The following ASPM variants were observed in gnomAD, a reference collection of about 807,000 sequenced individuals.
The protein encoded by ASPM is assembly factor for spindle microtubules, also known as abnormal spindle-like microcephaly-associated protein.
Under a neutral mutation model 366.4 loss-of-function variants are expected in ASPM, and 256 were observed. The observed-to-expected ratio is 0.70, with a 90% CI of 0.63 to 0.77. The LOEUF is 0.77. ASPM is among the 30% of genes least tolerant of loss of function. The pLI is 0.00. For missense variants in ASPM, 4,146 were observed against 4,090.4 expected (o/e 1.01, Z -0.37); for synonymous variants, 1,414 against 1,342.9 (o/e 1.05, Z -1.16).
Position 197,103,560 on chromosome 1 carries a change from T to A in ASPM, c.5691A>T (p.Glu1897Asp). The A allele has an allele frequency of 6.2e-7, 1 of 1,613,084 alleles. No homozygotes were observed. The highest frequency in any genetic ancestry group is 8.5e-7 in the Non-Finnish European group (1 of 1,179,478). ...GWKVRKQIRR[E>D]HQAALKIQSA... ...ACTGAATCTTCAAGGCAGCTTGATGTTCCCTTCTAATCTGTTTCCGAACCT... is the reference window on the plus strand; with the variant it reads ...ACTGAATCTTCAAGGCAGCTTGATGATCCCTTCTAATCTGTTTCCGAACCT... The change falls in exon 18 of 28, where the codon GAA becomes GAT. Residue 1897 changes from glutamate to aspartate, a missense_variant. Around this residue, in one of 3 missense-constraint regions of ASPM, gnomAD observed 3,624 missense variants for 3,591.7 expected, o/e 1.01. Transcript: ENST00000367409.
At chr1:197,139,557 T>C (rs989880971) in intron 4 of ASPM, among the ~76,000 whole-genome samples, 1 of 152,254 alleles carries the variant, frequency 6.6e-6, no homozygotes, top group African/African-American at 2.4e-5. Flanking sequence ...ATAATTACTA[T>C]AGTGACCCTA....
At chr1:197,136,192 A>T (rs980771232) in intron 4 of ASPM, among the ~76,000 whole-genome samples, 2 of 152,200 alleles carry the variant, frequency 1.3e-5, no homozygotes, top group African/African-American at 4.8e-5. Context: ...GATTTTTTTT[A>T]AAGCTGAAAA....
At chr1:197,088,007 C>T (rs1394561844) in intron 26 of ASPM, among the ~76,000 whole-genome samples, 17 of 152,136 alleles carry the variant, frequency 1.1e-4, no homozygotes, top group Admixed American at 1.1e-3. Flanking sequence ...ATACTTTTCT[C>T]TCTAGTAAAT....
At position 197,125,190 on chromosome 1, in the gene ASPM, G is replaced by T. The variant is rs199422151; in HGVS notation, c.2938C>A (p.Arg980=). 20 of 1,613,660 alleles carry T rather than the reference G, an allele frequency of 1.2e-5. No individual in the cohort carries two copies. The highest frequency in any genetic ancestry group is 1.1e-5 in the South Asian group (1 of 91,078). Reference sequence around the variant, plus strand: ...TTCTGTGTGAGAAGTTCCATGGTTCGCCTGGCAGTAATAAAATGTTCAGAT... The same window carrying T: ...TTCTGTGTGAGAAGTTCCATGGTTCTCCTGGCAGTAATAAAATGTTCAGAT... ...VDLQCGVRLV[R]TMELLTQNWD... Residue 980 remains arginine (R), a splice_region_variant and synonymous_variant, in exon 11 of 28, where the codon CGA becomes AGA. Coordinates refer to ENST00000367409, the MANE Select transcript of ASPM (RefSeq NM_018136.5).
Position 197,125,124 on chromosome 1 carries a change from G to A in ASPM, c.3004C>T (p.Arg1002Cys), listed in dbSNP as rs1281832701. 2.5e-6 allele frequency: 4 copies of A among 1,613,736 alleles called. No individual in the cohort carries two copies. The highest frequency in any genetic ancestry group is 2.2e-5 in the South Asian group (2 of 91,066). Residue 1002 changes from arginine (R) to cysteine (C), a missense_variant, in exon 11 of 28, where the codon CGT becomes TGT. By Grantham distance (180) the Arg-to-Cys change is radical. Coordinates refer to ENST00000367409, the MANE Select transcript of ASPM (RefSeq NM_018136.5). ...TCAACATTGTGCATCTTTTGAAGAC[G>A]ACTTATTGCCGGAATCCTGAGTTTC... Reference protein sequence around the residue: ...SKKLRIPAISRLQKMHNVDIV... With the variant: ...SKKLRIPAISCLQKMHNVDIV...
Position 197,143,535 on chromosome 1 carries a change from G to A in ASPM, c.717C>T (p.Leu239=). The change falls in exon 3 of 28, where the codon CTC becomes CTT. Residue 239 remains leucine, a synonymous_variant. Transcript: ENST00000367409. ...NECHGATCLP[L]SVRRSTTYSS... is the part of the protein sequence containing the mutation. ...AGTAGGTAGTAGATCGACGTACAGA[G>A]AGTGGCAAGCAAGTTGCACCATGGC... 6.2e-7 allele frequency: 1 copy of A among 1,613,900 alleles called. No individual in the cohort carries two copies. Among genetic ancestry groups the A allele is most frequent in the African/African-American group, 1.3e-5 (1 of 75,038 alleles).
At chr1:197,112,440 C>T (rs1657617507) in intron 17 of ASPM, among the ~76,000 whole-genome samples, 2 of 152,040 alleles carry the variant, frequency 1.3e-5, no homozygotes, top group Non-Finnish European at 2.9e-5. Flanking sequence ...ACAAAATAAT[C>T]TGTACAACAA....
At chr1:197,089,250 C>A (rs10801587) in intron 25 of ASPM, among the ~76,000 whole-genome samples, 1 of 151,870 alleles carries the variant, frequency 6.6e-6, no homozygotes, top group African/African-American at 2.4e-5. Flanking sequence ...TTGGGTAAAG[C>A]GCTTTAAGTT....
Position 197,112,145 on chromosome 1 carries a change from C to T in ASPM, c.4065+5644G>A, listed in dbSNP as rs150475360. Among the ~76,000 whole-genome samples, 1,364 of 152,156 alleles carry T rather than the reference C, an allele frequency of 9.0e-3. 15 individuals are homozygous for T. The highest frequency in any genetic ancestry group is 0.015 in the Non-Finnish European group (1,023 of 67,982). On this transcript the variant is annotated intron_variant, in intron 17 of 27. Coordinates refer to ENST00000367409, the MANE Select transcript of ASPM (RefSeq NM_018136.5). ...AATGACAGACTGGATGAAGAAAATG[C>T]GGTACATATATACCATGGAATACAA...
chr1:197,093,936 T>C (rs994816363), intron 20 of ASPM, 148 bp downstream of exon 20: 17 of 580,446 alleles, frequency 2.9e-5, no homozygotes, highest in Non-Finnish European at 4.6e-5. Context: ...CTGAAATAGA[T>C]GTGTGTGAAA....
In ASPM at chr1:197,100,706, T is replaced by C. The variant is rs1210620920; in HGVS notation, c.8545A>G (p.Met2849Val). The change falls in exon 18 of 28, where the codon ATG (methionine) becomes GTG (valine). Residue 2849 changes from methionine to valine, a missense_variant. Physicochemically the swap from Met to Val is conservative, Grantham distance 21. This residue lies in a region of ASPM where 3,624 missense variants were observed against 3,591.7 expected (regional missense o/e 1.01). Coordinates refer to ENST00000367409, the MANE Select transcript of ASPM (RefSeq NM_018136.5). ...ACAAATCTTCTCCGATACACAGCCA[T>C]CTGAAGGAAGAACTGAATCCGTAGG... ...AALRIQFFLQ[M>V]AVYRRRFVQQ... The C allele has an allele frequency of 6.2e-7, 1 of 1,612,314 alleles. No individual in the cohort carries two copies. Among genetic ancestry groups the C allele is most frequent in the Non-Finnish European group, 8.5e-7 (1 of 1,179,046 alleles).
At chr1:197,100,005 T>C (rs545865990) in intron 18 of ASPM, among the ~76,000 whole-genome samples, 4 of 151,834 alleles carry the variant, frequency 2.6e-5, no homozygotes, top group Non-Finnish European at 4.4e-5. Context: ...ATAAAGTATG[T>C]CTACTAGCCT....
Position 197,136,989 on chromosome 1 carries a change from T to TA in ASPM, c.2027-1748dup, listed in dbSNP as rs34447971. Among the ~76,000 whole-genome samples, 36 of 152,218 alleles carry TA rather than the reference T, an allele frequency of 2.4e-4. 1 individual carries two copies. Among genetic ancestry groups the TA allele is most frequent in the African/African-American group, 8.4e-4 (35 of 41,542 alleles). Reference sequence around the variant, plus strand: ...TGTTAGCATGAATCCTTCTGTGCCCTAAAAAAACCCTATGGATCATACTAT... The same window carrying TA: ...TGTTAGCATGAATCCTTCTGTGCCCTAAAAAAAACCCTATGGATCATACTAT... On this transcript the variant is annotated intron_variant, in intron 4 of 27. Transcript: ENST00000367409.
Position 197,104,866 on chromosome 1 carries a change from GC to G in ASPM, c.4384del (p.Ala1462LeufsTer54). On this transcript the variant is annotated frameshift_variant, in exon 18 of 28. Transcript: ENST00000367409. LOFTEE classifies it high-confidence loss of function. ...GATAATAGCAGAATTTTCTTCTTTA[GC>G]TTGTTTTCTTAAATGCCATTCTCTA... The part of the protein sequence containing the change: ...AFREWHLRKQ[A>X]KEENSAIIIQ... The G allele has an allele frequency of 6.2e-7, 1 of 1,602,508 alleles. No individual in the cohort carries two copies. The highest frequency in any genetic ancestry group is 8.5e-7 in the Non-Finnish European group (1 of 1,175,606).
In ASPM at chr1:197,102,540, G is replaced by T. The variant is rs755151801; in HGVS notation, c.6711C>A (p.Asn2237Lys). ...KERNIQFQRYNKLRHSVIYIQ... is the reference protein window; with the variant it reads ...KERNIQFQRYKKLRHSVIYIQ... Reference sequence around the variant, plus strand: ...TGTATATTACAGAATGCCTCAGTTTGTTATACCTTTGAAATTGTATGTTTC... The same window carrying T: ...TGTATATTACAGAATGCCTCAGTTTTTTATACCTTTGAAATTGTATGTTTC... Residue 2237 changes from asparagine to lysine, a missense_variant, in exon 18 of 28, where the codon AAC becomes AAA. This residue lies in a region of ASPM where 3,624 missense variants were observed against 3,591.7 expected (regional missense o/e 1.01). Transcript: ENST00000367409. 1.2e-6 allele frequency: 2 copies of T among 1,612,434 alleles called. No homozygotes were observed. The highest frequency in any genetic ancestry group is 8.5e-7 in the Non-Finnish European group (1 of 1,179,172).
In ASPM at chr1:197,104,217, T is replaced by C. The variant is rs1445915977; in HGVS notation, c.5034A>G (p.Leu1678=). The C allele has an allele frequency of 6.2e-7, 1 of 1,612,474 alleles. No individual in the cohort carries two copies. The highest frequency in any genetic ancestry group is 8.5e-7 in the Non-Finnish European group (1 of 1,179,262). The change falls in exon 18 of 28, where the codon CTA becomes CTG. Residue 1678 remains leucine (L), a synonymous_variant. Transcript: ENST00000367409. ...ACTGCAATTTTATTGTAGCATTTTTTAGGCTCAAAAATTCCTTTTTAGAAA... is the reference window on the plus strand; with the variant it reads ...ACTGCAATTTTATTGTAGCATTTTTCAGGCTCAAAAATTCCTTTTTAGAAA... The part of the protein sequence containing the change: ...AYVSKKEFLS[L]KNATIKLQST...
intron 20 of ASPM, 58 bp downstream of exon 20, chr1:197,094,026 C>T: frequency 9.0e-7 from 1 of 1,115,430 alleles, no homozygotes; most frequent in Non-Finnish European, 1.3e-6. Context: ...ACAAAACATT[C>T]TTTGTTTTCT....
rs558907138 is a variant in ASPM, at chr1:197,104,704, G to C, written c.4547C>G (p.Thr1516Ser). The change falls in exon 18 of 28, where the codon ACC (threonine) becomes AGC (serine). Residue 1516 changes from threonine to serine, a missense_variant. Physicochemically the swap from Thr to Ser is moderately conservative, Grantham distance 58. This residue lies in a region of ASPM where 3,624 missense variants were observed against 3,591.7 expected (regional missense o/e 1.01). Coordinates refer to ENST00000367409, the MANE Select transcript of ASPM (RefSeq NM_018136.5). The stretch of plus-strand genomic sequence containing the variant: ...ATATGCTTTGTAGTACTTCTGGATG[G>C]TTAGTATGGACTCTTTTCTTCTTTT... The part of the protein sequence containing the change: ...LYKRRKESIL[T>S]IQKYYKAYLK... 6 of 1,612,764 alleles carry C rather than the reference G, an allele frequency of 3.7e-6. No individual in the cohort carries two copies. Among genetic ancestry groups the C allele is most frequent in the Non-Finnish European group, 5.1e-6 (6 of 1,179,290 alleles).
At chr1:197,127,015 A>G (rs929966737) in intron 10 of ASPM, among the ~76,000 whole-genome samples, 4 of 152,210 alleles carry the variant, frequency 2.6e-5, no homozygotes, top group African/African-American at 9.7e-5. Flanking sequence ...TTGGCAATAA[A>G]CAATTTAATC....
Sources: allele counts gnomAD v4.1 joint callset (sites outside exome capture counted in the v4.1 genomes callset), GRCh38; gene constraint gnomAD v4.1.1; regional missense constraint gnomAD v4.1.1; transcripts MANE v1.5; gene names NCBI Gene and HGNC (gene_info 2026-07-23, HGNC 2026-07-21).